The following C2 variants were observed in gnomAD, a reference collection of about 807,000 sequenced individuals.
C2 encodes complement C2.
Under a neutral mutation model 85.2 loss-of-function variants are expected in C2, and 64 were observed. The observed-to-expected ratio is 0.75, with a 90% confidence interval of 0.61 to 0.92. C2 has a LOEUF of 0.92. Ranked by LOEUF, C2 falls within the 40% of genes least tolerant of loss-of-function variation. C2 has a pLI of 0.00. For missense variants in C2, 820 were observed against 971.6 expected, an observed-to-expected ratio of 0.84 and a Z score of 2.07; for synonymous variants, 311 against 370.8, an observed-to-expected ratio of 0.84 and a Z score of 1.85.
In C2 at chr6:31,904,644, T is replaced by A. The variant is rs151132610; in HGVS notation, c.73+3505T>A. 9.0e-3 allele frequency among the ~76,000 whole-genome samples: 1,364 copies of A among 152,224 alleles called. 37 individuals carry two copies. The highest frequency in any genetic ancestry group is 0.032 in the African/African-American group (1,309 of 41,498). On this transcript the variant is annotated intron_variant, in intron 1 of 3. Coordinates refer to the C2 transcript ENST00000452202. This position sits in a 1 kb window ranked among gnomAD's most constrained non-coding sequence, Gnocchi z 4.4. ...GAACTTTAAAAATTCTGTTTTTCTATCTCATCTCTTCTTTTCCGCATTGCC... is the reference window on the plus strand; with the variant it reads ...GAACTTTAAAAATTCTGTTTTTCTAACTCATCTCTTCTTTTCCGCATTGCC...
intron 1 of C2, among the ~76,000 whole-genome samples, chr6:31,913,175 G>A (rs765730829): frequency 9.9e-5 from 15 of 152,104 alleles, no homozygotes; most frequent in Non-Finnish European, 1.9e-4. Flanking sequence ...TGAACTCCCA[G>A]TCTCAAGTGA....
At chr6:31,940,109 AT>A (rs1770764667) in intron 9 of C2, among the ~76,000 whole-genome samples, 1 of 152,172 alleles carries the variant, frequency 6.6e-6, no homozygotes, top group African/African-American at 2.4e-5. Context: ...ATTATTTTTA[AT>A]CAACAGCTTT....
At chr6:31,924,140 A>G (rs1016328905), upstream of C2, among the ~76,000 whole-genome samples, 1 of 152,178 alleles carries the variant, frequency 6.6e-6, no homozygotes, top group Admixed American at 6.5e-5. Context: ...ATTCTATCTT[A>G]TTTAAGTTAC....
intron 1 of C2, among the ~76,000 whole-genome samples, chr6:31,909,655 C>T (rs182699100): frequency 4.0e-5 from 6 of 150,796 alleles, no homozygotes; most frequent in East Asian, 2.0e-4. Context: ...AGGCTGGTCT[C>T]GAACTGCTAG....
intron 1 of C2, among the ~76,000 whole-genome samples, chr6:31,913,938 C>CTT (rs147277810): frequency 0.081 from 11,950 of 147,256 alleles, 533 homozygotes; most frequent in African/African-American, 0.12. Flanking sequence ...GTGCCTGGCC[C>CTT]TTTTTTTTTT....
intron 1 of C2, among the ~76,000 whole-genome samples, chr6:31,907,603 A>G (rs1425398237): frequency 7.2e-6 from 1 of 139,130 alleles, no homozygotes; most frequent in African/African-American, 2.7e-5. Context: ...AAAAAAAAAA[A>G]AAGTGGTTTC....
upstream of C2, among the ~76,000 whole-genome samples, chr6:31,898,596 A>C (rs1270740476): frequency 2.7e-5 from 4 of 149,340 alleles, no homozygotes; most frequent in Non-Finnish European, 5.9e-5. Flanking sequence ...ACTATTCCAG[A>C]GCTTTCTGGG....
At chr6:31,918,402 C>T (rs1768710562), upstream of C2, among the ~76,000 whole-genome samples, 1 of 152,052 alleles carries the variant, frequency 6.6e-6, no homozygotes, top group East Asian at 1.9e-4. Flanking sequence ...GTCCGGGCAA[C>T]ATACTGAGAC....
chr6:31,931,918 CGGCGCGGCTGGCCGGGCGGGGGGCTG>C (rs1769805676), intron 3 of C2, among the ~76,000 whole-genome samples: 1 of 75,610 alleles, frequency 1.3e-5, no homozygotes, highest in African/African-American at 3.6e-5. Context: ...CCCTCCCGGA[CGGCGCGGCTGGCCGGGCGGGGGGCTG>C]ATCCCCCCAC....
Position 31,943,855 on chromosome 6 carries a change from T to A in C2, c.1733+46T>A. The A allele has an allele frequency of 6.2e-7, 1 of 1,611,906 alleles. No individual in the cohort carries two copies. Among genetic ancestry groups the A allele is most frequent in the Non-Finnish European group, 8.5e-7 (1 of 1,179,166 alleles). On this transcript the variant is annotated intron_variant, in intron 13 of 17. Transcript: ENST00000299367. The surrounding 1 kb of genome is among the most constrained non-coding windows in gnomAD (Gnocchi z 6.4). ...GAGGGTGCCCTGCAGGGAAGAGTGC[T>A]CTGGAGATCCCTGGAAGAGATACTG...
chr6:31,939,366 G>T (rs1770700792), intron 9 of C2, 46 bp downstream of exon 9: 1 of 1,365,124 alleles, frequency 7.3e-7, no homozygotes, highest in Non-Finnish European at 1.0e-6. Flanking sequence ...TCCTGCAGAG[G>T]TCATGAGATC....
At chr6:31,924,913 G>A (rs895509912), upstream of C2, among the ~76,000 whole-genome samples, 1 of 152,176 alleles carries the variant, frequency 6.6e-6, no homozygotes, top group Non-Finnish European at 1.5e-5. Context: ...AATCTGGGCT[G>A]ACCTTGTGAT....
chr6:31,943,090 CA>C lies in C2; in HGVS notation c.1352del (p.His451LeufsTer53). On this transcript the variant is annotated frameshift_variant, in exon 10 of 18. Coordinates refer to ENST00000299367, the MANE Select transcript of C2 (RefSeq NM_000063.6). LOFTEE classifies it high-confidence loss of function. The surrounding 1 kb of genome is among the most constrained non-coding windows in gnomAD (Gnocchi z 6.4). ...AAAGGCTCTGCACCAGGTCTTTGAA[CA>C]TATGCTGGGTGAGTGAGCTTTGCCC... ...DTKALHQVFE[H>X]MLDVSKLTDT... 1.2e-6 allele frequency: 2 copies of C among 1,613,062 alleles called. No homozygotes were observed. Among genetic ancestry groups the C allele is most frequent in the South Asian group, 2.2e-5 (2 of 91,086 alleles).
intron 1 of C2, among the ~76,000 whole-genome samples, chr6:31,913,971 C>T (rs1380957280): frequency 1.3e-5 from 2 of 150,666 alleles, no homozygotes; most frequent in East Asian, 4.0e-4. Context: ...CGCTCTGTCA[C>T]CCAGGCGCGA....
At chr6:31,899,322 C>T (rs537908976), upstream of C2, among the ~76,000 whole-genome samples, 231 of 146,552 alleles carry the variant, frequency 1.6e-3, 1 homozygote, top group Admixed American at 2.9e-3. Context: ...ACCCAGGATG[C>T]GCACCCCACG....
intron 1 of C2, among the ~76,000 whole-genome samples, chr6:31,911,254 G>A (rs1157914381): frequency 6.6e-6 from 1 of 152,024 alleles, no homozygotes; most frequent in Non-Finnish European, 1.5e-5. Flanking sequence ...AGCCGAGATG[G>A]CGCCACTGCA....
chr6:31,937,112 G>A, intron 7 of C2: 1 of 572,972 alleles, frequency 1.7e-6, no homozygotes, highest in Non-Finnish European at 3.1e-6. Flanking sequence ...GGGAGACTGA[G>A]GCATGAGAAT....
At chr6:31,908,695 A>G (rs1020009138) in intron 1 of C2, among the ~76,000 whole-genome samples, 2 of 151,858 alleles carry the variant, frequency 1.3e-5, no homozygotes, top group South Asian at 2.1e-4. Context: ...AGCCATCCCA[A>G]CCTTCAGCAA....
intron 9 of C2, among the ~76,000 whole-genome samples, chr6:31,939,627 T>G (rs1424225403): frequency 6.6e-6 from 1 of 150,958 alleles, no homozygotes; most frequent in Non-Finnish European, 1.5e-5. Context: ...ATGTCCACCA[T>G]GCCACCATGA....
Sources: gnomAD v4.1 joint callset for allele counts (sites outside exome capture counted in the v4.1 genomes callset) on GRCh38, gnomAD v4.1.1 for gene constraint, Gnocchi (gnomAD v3.1) non-coding constraint, MANE v1.5 for transcripts, NCBI Gene and HGNC (gene_info 2026-07-23, HGNC 2026-07-21) for gene names.